The following PAFAH1B1 variants were observed in gnomAD, a reference collection of about 807,000 sequenced individuals.
The protein encoded by PAFAH1B1 is platelet activating factor acetylhydrolase 1b regulatory subunit 1.
A neutral mutation model predicts 57.5 loss-of-function variants in PAFAH1B1; 2 were observed. The observed-to-expected ratio is 0.03, with a 90% CI of 0.01 to 0.11. The LOEUF (loss-of-function observed/expected upper bound fraction) is 0.11, where lower values mean the gene tolerates loss of function less well. Ranked by LOEUF, PAFAH1B1 falls within the 10% of genes least tolerant of loss-of-function variation. The pLI is 1.00. For synonymous variants in PAFAH1B1, 152 were observed against 169.6 expected (o/e 0.90, Z 0.81); for missense variants, 257 against 512.0 (o/e 0.50, Z 4.81).
chr17:2,645,623 A>AT (rs1447970564), intron 2 of PAFAH1B1, among the ~76,000 whole-genome samples: 133 of 142,914 alleles, frequency 9.3e-4, no homozygotes, highest in African/African-American at 2.9e-3. Context: ...ATATATATAT[A>AT]TTTTTTGTTA....
intron 1 of PAFAH1B1, among the ~76,000 whole-genome samples, chr17:2,616,132 A>AT (rs1266552297): frequency 6.6e-6 from 1 of 152,190 alleles, no homozygotes; most frequent in East Asian, 1.9e-4. Flanking sequence ...AGTTTATTAC[A>AT]TTTGATAATC....
At chr17:2,612,449 C>A (rs71359170) in intron 1 of PAFAH1B1, among the ~76,000 whole-genome samples, 1 of 152,050 alleles carries the variant, frequency 6.6e-6, no homozygotes, top group East Asian at 1.9e-4. Context: ...CTCAGGTGAT[C>A]TGCCCGCCTC....
Position 2,681,950 on chromosome 17 carries a change from C to G in PAFAH1B1, c.*148C>G, listed in dbSNP as rs2069390707. On this transcript the variant is annotated 3_prime_UTR_variant, in exon 11 of 11. Transcript: ENST00000397195. ...GATTGAGCTTATTAAATGTTACACA[C>G]AAAGTATTCATGCATGGTGAATCCA... 3 of 630,312 alleles carry G rather than the reference C, an allele frequency of 4.8e-6. No homozygotes were observed. Among genetic ancestry groups the G allele is most frequent in the Non-Finnish European group, 8.3e-6 (3 of 360,096 alleles). The allele number at this position is 630,312 out of a possible 1,614,324, so 39.0% of individuals were successfully genotyped here.
At chr17:2,648,444 A>G (rs2068801553) in intron 2 of PAFAH1B1, among the ~76,000 whole-genome samples, 1 of 152,138 alleles carries the variant, frequency 6.6e-6, no homozygotes, top group South Asian at 2.1e-4. Context: ...TGGGAAGCCA[A>G]AGTGGGTGGA....
chr17:2,626,907 C>G (rs2151627072), intron 1 of PAFAH1B1, among the ~76,000 whole-genome samples: 1 of 152,128 alleles, frequency 6.6e-6, no homozygotes, highest in South Asian at 2.1e-4. Context: ...AGAATTGTCT[C>G]TTCATGTCCT....
At chr17:2,606,843 G>C (rs971100751) in intron 1 of PAFAH1B1, among the ~76,000 whole-genome samples, 1 of 125,524 alleles carries the variant, frequency 8.0e-6, no homozygotes, top group Admixed American at 9.0e-5. Context: ...TTTTTAAGAC[G>C]GAGTCTCGCT....
chr17:2,673,436 G>A (rs957670731), intron 7 of PAFAH1B1, among the ~76,000 whole-genome samples: 5 of 151,922 alleles, frequency 3.3e-5, no homozygotes, highest in Non-Finnish European at 7.4e-5. Context: ...TCAGGAGATC[G>A]AGACCGTCCT....
intron 1 of PAFAH1B1, among the ~76,000 whole-genome samples, chr17:2,597,996 C>T (rs941039383): frequency 1.3e-5 from 2 of 151,964 alleles, no homozygotes; most frequent in Non-Finnish European, 2.9e-5. Context: ...CTTACACTCC[C>T]AGAACTTTGG....
chr17:2,614,557 G>C (rs1437634878), intron 1 of PAFAH1B1, among the ~76,000 whole-genome samples: 2 of 152,114 alleles, frequency 1.3e-5, no homozygotes, highest in African/African-American at 4.8e-5. Flanking sequence ...AATGAACAAG[G>C]CAACTGTGTT....
chr17:2,646,773 A>G (rs1434014712), intron 2 of PAFAH1B1, among the ~76,000 whole-genome samples: 1 of 152,224 alleles, frequency 6.6e-6, no homozygotes, highest in African/African-American at 2.4e-5. Flanking sequence ...AATATAGAGA[A>G]CATTGTAACA....
At chr17:2,677,856 A>AAAATAAATAAAT (rs10639352) in intron 9 of PAFAH1B1, among the ~76,000 whole-genome samples, 8 of 149,850 alleles carry the variant, frequency 5.3e-5, no homozygotes, top group African/African-American at 1.7e-4. Context: ...TCCGCCTCAA[A>AAAATAAATAAAT]AAATAAATAA....
intron 9 of PAFAH1B1, chr17:2,679,606 GTGGA>G (rs1163005382): frequency 3.7e-5 from 4 of 108,682 alleles, no homozygotes; most frequent in African/African-American, 1.4e-4. Flanking sequence ...GGGTGGGTGG[GTGGA>G]TGGATGGATG....
At chr17:2,635,024 A>G (rs1344922938) in intron 1 of PAFAH1B1, among the ~76,000 whole-genome samples, 1 of 152,082 alleles carries the variant, frequency 6.6e-6, no homozygotes, top group Non-Finnish European at 1.5e-5. Context: ...GTAGCCAGGC[A>G]TGGTCGTGGG....
intron 1 of PAFAH1B1, among the ~76,000 whole-genome samples, chr17:2,597,642 C>T (rs2068098680): frequency 6.6e-6 from 1 of 151,412 alleles, no homozygotes; most frequent in Non-Finnish European, 1.5e-5. Flanking sequence ...AACTCCTGAC[C>T]TCGTGATCCG....
chr17:2,678,128 G>A (rs916560650), intron 9 of PAFAH1B1, among the ~76,000 whole-genome samples: 6 of 151,238 alleles, frequency 4.0e-5, no homozygotes, highest in African/African-American at 7.3e-5. Context: ...GTGGCCAGGC[G>A]CGGTGGCTCA....
At position 2,673,458 on chromosome 17, in the gene PAFAH1B1, T is replaced by C. The variant is rs577098614; in HGVS notation, c.672-602T>C. 5.4e-3 allele frequency among the ~76,000 whole-genome samples: 826 copies of C among 152,110 alleles called. 6 individuals are homozygous for C. The highest frequency in any genetic ancestry group is 0.016 in the South Asian group (79 of 4,820). On this transcript the variant is annotated intron_variant, in intron 7 of 10. Transcript: ENST00000397195. ...ATCGAGACCGTCCTGGCTAACACGA[T>C]GAAACCCCGTCTCTACTAAAAATAC...
chr17:2,638,528 G>A (rs895286320), intron 2 of PAFAH1B1: 2 of 521,690 alleles, frequency 3.8e-6, no homozygotes, highest in African/African-American at 3.9e-5. Flanking sequence ...TTTCTGAGAA[G>A]GAGTTTTTCG....
chr17:2,614,116 C>T (rs1055465584), intron 1 of PAFAH1B1, among the ~76,000 whole-genome samples: 3 of 142,758 alleles, frequency 2.1e-5, no homozygotes, highest in Admixed American at 7.6e-5. Context: ...GCAGCCTCAA[C>T]CTCCCAGGCT....
At chr17:2,681,692 G>C (rs200835223) in intron 10 of PAFAH1B1, 37 bp from the exon 11 acceptor site, 2 of 1,522,580 alleles carry the variant, frequency 1.3e-6, no homozygotes, top group South Asian at 1.1e-5. Context: ...CCAGGCTTAC[G>C]TGTGAGTTTT....
Sources: gnomAD v4.1 joint callset for allele counts (sites outside exome capture counted in the v4.1 genomes callset) on GRCh38, gnomAD v4.1.1 for gene constraint, MANE v1.5 for transcripts, NCBI Gene and HGNC (gene_info 2026-07-23, HGNC 2026-07-21) for gene names.